The following ASXL3 variants were observed in gnomAD, a reference collection of about 807,000 sequenced individuals.
ASXL3 encodes the protein ASXL transcriptional regulator 3.
ASXL3 carries 34 observed loss-of-function variants against 170.6 expected under a neutral mutation model. That is an observed-to-expected ratio of 0.20 (90% confidence interval 0.15 to 0.27). The LOEUF (loss-of-function observed/expected upper bound fraction) is 0.27. Among genes scored for constraint, ASXL3 ranks in the 10% least tolerant of loss-of-function variants. ASXL3 has a pLI of 1.00. For missense variants in ASXL3, 2,592 were observed against 2,695.3 expected (o/e 0.96, Z 0.85); for synonymous variants, 1,002 against 989.1 (o/e 1.01, Z -0.24).
chr18:33,724,235 A>T (rs1000622033), intron 8 of ASXL3, among the ~76,000 whole-genome samples: 6 of 152,082 alleles, frequency 3.9e-5, no homozygotes, highest in African/African-American at 1.4e-4. Flanking sequence ...TTAAAAAATT[A>T]TTATATATAT....
At chr18:33,594,253 T>C (rs2065104859) in intron 1 of ASXL3, among the ~76,000 whole-genome samples, 1 of 152,368 alleles carries the variant, frequency 6.6e-6, no homozygotes, top group African/African-American at 2.4e-5. Flanking sequence ...TTGTGAGTCC[T>C]AATTTAGGGT....
intron 1 of ASXL3, among the ~76,000 whole-genome samples, chr18:33,599,683 TAGAAA>T (rs1444569812): frequency 6.6e-6 from 1 of 152,198 alleles, no homozygotes; most frequent in African/African-American, 2.4e-5. Context: ...TTGGGGCATG[TAGAAA>T]TCCAGTGGAG....
At chr18:33,674,766 C>T (rs955706488) in intron 7 of ASXL3, among the ~76,000 whole-genome samples, 10 of 151,786 alleles carry the variant, frequency 6.6e-5, no homozygotes, top group Non-Finnish European at 1.5e-4. Context: ...CTACAGGCGC[C>T]CACCACCACA....
chr18:33,578,559 T>G lies in ASXL3; in HGVS notation c.-73T>G, dbSNP rs2064965129. The G allele has an allele frequency of 1.0e-6, 1 of 982,090 alleles. No individual in the cohort carries two copies. Among genetic ancestry groups the G allele is most frequent in the African/African-American group, 1.8e-5 (1 of 55,804 alleles). The allele number at this position is 982,090 out of a possible 1,614,324, so 60.8% of individuals were successfully genotyped here. A position where few individuals can be genotyped will look rare whatever the true frequency, so the allele number is the denominator to read the frequency against. Reference sequence around the variant, plus strand: ...GGGTCACCGGGTCACTGGGTCATTGTCTCCGCGCCCGAACCCCGAGCACCC... The same window carrying G: ...GGGTCACCGGGTCACTGGGTCATTGGCTCCGCGCCCGAACCCCGAGCACCC... On this transcript the variant is annotated 5_prime_UTR_variant, in exon 1 of 12. Coordinates refer to ENST00000269197, the MANE Select transcript of ASXL3 (RefSeq NM_030632.3).
intron 2 of ASXL3, among the ~76,000 whole-genome samples, chr18:33,615,050 T>G (rs945293367): frequency 6.6e-6 from 1 of 152,056 alleles, no homozygotes; most frequent in African/African-American, 2.4e-5. Flanking sequence ...AGTGAACCTG[T>G]TTTTTGAAGC....
chr18:33,728,528 C>A (rs1224399818), intron 8 of ASXL3, among the ~76,000 whole-genome samples: 1 of 152,126 alleles, frequency 6.6e-6, no homozygotes, highest in Non-Finnish European at 1.5e-5. Flanking sequence ...ATTTATATGA[C>A]TATCTTGTCC....
intron 8 of ASXL3, among the ~76,000 whole-genome samples, chr18:33,724,823 A>G (rs1324422471): frequency 6.6e-6 from 1 of 152,184 alleles, no homozygotes; most frequent in African/African-American, 2.4e-5. Flanking sequence ...TCTTACTGCA[A>G]TTTTGGAAAT....
At chr18:33,640,089 C>A (rs2065823541) in intron 2 of ASXL3, among the ~76,000 whole-genome samples, 2 of 151,974 alleles carry the variant, frequency 1.3e-5, no homozygotes, top group South Asian at 4.1e-4. Flanking sequence ...TTTATATTTT[C>A]TAAATCTTTC....
chr18:33,615,392 C>T, intron 2 of ASXL3, among the ~76,000 whole-genome samples: 1 of 152,068 alleles, frequency 6.6e-6, no homozygotes, highest in East Asian at 1.9e-4. Flanking sequence ...GGGCACTGTT[C>T]ATGACACCCC....
At chr18:33,643,761 G>A (rs776082462) in intron 2 of ASXL3, among the ~76,000 whole-genome samples, 5 of 151,796 alleles carry the variant, frequency 3.3e-5, no homozygotes, top group South Asian at 4.2e-4. Context: ...CTTTATCCTT[G>A]AAATTTGAAG....
intron 8 of ASXL3, among the ~76,000 whole-genome samples, chr18:33,721,766 T>C (rs1296672972): frequency 6.6e-6 from 1 of 152,094 alleles, no homozygotes; most frequent in Non-Finnish European, 1.5e-5. Context: ...TGTTTTAATT[T>C]AGTTTGCTTT....
intron 8 of ASXL3, 27 bp downstream of exon 8, chr18:33,683,595 A>T: frequency 6.3e-7 from 1 of 1,580,958 alleles, no homozygotes; most frequent in Non-Finnish European, 8.6e-7. Flanking sequence ...GACATTTGAT[A>T]CCAGCCACTA....
chr18:33,731,282 A>C (rs1470926957), intron 8 of ASXL3, among the ~76,000 whole-genome samples: 2 of 152,286 alleles, frequency 1.3e-5, no homozygotes, highest in Admixed American at 6.5e-5. Flanking sequence ...GGATATATGA[A>C]TTCTATATGT....
chr18:33,624,879 T>C (rs984651734), intron 2 of ASXL3, among the ~76,000 whole-genome samples: 2 of 152,192 alleles, frequency 1.3e-5, no homozygotes, highest in African/African-American at 4.8e-5. Flanking sequence ...ATTCATTATA[T>C]GCTAGGATTT....
At chr18:33,592,776 T>C (rs2065088571) in intron 1 of ASXL3, among the ~76,000 whole-genome samples, 2 of 152,330 alleles carry the variant, frequency 1.3e-5, no homozygotes, top group East Asian at 3.9e-4. Flanking sequence ...TTCAGAGATC[T>C]GTTAGGAAAA....
At position 33,743,709 on chromosome 18, in the gene ASXL3, A is replaced by G; in HGVS notation, c.3861A>G (p.Gly1287=). The G allele has an allele frequency of 6.2e-7, 1 of 1,613,898 alleles. No homozygotes were observed. The highest frequency in any genetic ancestry group is 8.5e-7 in the Non-Finnish European group (1 of 1,179,902). Residue 1287 remains glycine (G), a synonymous_variant, in exon 12 of 12, where the codon GGA becomes GGG. Transcript: ENST00000269197. The part of the protein sequence containing the change: ...CNISMLKTIQ[G]TDTPCIAIIP... ...TAAGCATGTTAAAAACCATCCAGGGAACTGACACTCCATGCATAGCCATTA... is the reference window on the plus strand; with the variant it reads ...TAAGCATGTTAAAAACCATCCAGGGGACTGACACTCCATGCATAGCCATTA...
intron 8 of ASXL3, among the ~76,000 whole-genome samples, chr18:33,725,598 T>C (rs1180490127): frequency 6.6e-6 from 1 of 152,186 alleles, no homozygotes; most frequent in African/African-American, 2.4e-5. Flanking sequence ...TTGCTAATCA[T>C]TCCTATTTGA....
intron 1 of ASXL3, among the ~76,000 whole-genome samples, chr18:33,599,073 T>C (rs993975240): frequency 2.0e-5 from 3 of 152,160 alleles, no homozygotes; most frequent in African/African-American, 7.2e-5. Context: ...TTTTTAATTA[T>C]AGATTGTTGA....
Position 33,578,691 on chromosome 18 carries a change from T to C in ASXL3, c.54+6T>C, listed in dbSNP as rs950016446. 5 of 1,290,714 alleles carry C rather than the reference T, an allele frequency of 3.9e-6. No individual in the cohort carries two copies. In the African/African-American group the frequency reaches 6.2e-5, roughly 16 times the overall value. The allele number at this position is 1,290,714 out of a possible 1,614,324, so 80.0% of individuals were successfully genotyped here. ...GGGCCGAGGCTGCCCGCCTGGTACG[T>C]ACCGCCCCCCACACGCCGCCCGCGC... On this transcript the variant is annotated splice_donor_region_variant and intron_variant, in intron 1 of 11. Coordinates refer to ENST00000269197, the MANE Select transcript of ASXL3 (RefSeq NM_030632.3).
Sources: allele counts gnomAD v4.1 joint callset (sites outside exome capture counted in the v4.1 genomes callset), GRCh38; gene constraint gnomAD v4.1.1; transcripts MANE v1.5; gene names NCBI Gene and HGNC (gene_info 2026-07-23, HGNC 2026-07-21).